Variants in CAST observed in about 807,000 individuals in gnomAD.
CAST encodes calpastatin, also known as MIR583 host.
A neutral mutation model predicts 119.6 loss-of-function variants in CAST; 76 were observed. The observed-to-expected ratio is 0.64, with a 90% CI of 0.53 to 0.77. The LOEUF (loss-of-function observed/expected upper bound fraction) is 0.77. Ranked by LOEUF, CAST falls within the 30% of genes least tolerant of loss-of-function variation. The pLI, the probability that CAST is intolerant of heterozygous loss-of-function variation, is 0.00. For missense variants in CAST, 953 were observed against 946.5 expected, an observed-to-expected ratio of 1.01 and a Z score of -0.09; for synonymous variants, 319 against 331.6, an observed-to-expected ratio of 0.96 and a Z score of 0.41.
intron 3 of CAST, among the ~76,000 whole-genome samples, chr5:96,703,514 T>C (rs1754306460): frequency 6.6e-6 from 1 of 152,224 alleles, no homozygotes; most frequent in African/African-American, 2.4e-5. Context: ...TTTGTGTCTA[T>C]CTTTTAAGAA....
chr5:96,221,466 T>C, the CAST span, among the ~76,000 whole-genome samples: 28 of 151,902 alleles, frequency 1.8e-4, no homozygotes, highest in Non-Finnish European at 2.4e-4. Flanking sequence ...ACACCAATAA[T>C]GAAATAGCTG....
the CAST span, among the ~76,000 whole-genome samples, chr5:96,000,275 T>G: frequency 2.7e-4 from 41 of 152,194 alleles, no homozygotes; most frequent in Non-Finnish European, 5.1e-4. Flanking sequence ...TTTATCAATT[T>G]TTTTATTTTA....
chr5:96,410,684 A>G, the CAST span: 7 of 1,032,612 alleles, frequency 6.8e-6, no homozygotes, highest in East Asian at 1.2e-4. Flanking sequence ...TAAGCGAATC[A>G]GTCGTACCAA....
chr5:96,436,403 G>A, the CAST span, among the ~76,000 whole-genome samples: 1 of 152,090 alleles, frequency 6.6e-6, no homozygotes, highest in Non-Finnish European at 1.5e-5. Context: ...ACATTAAATT[G>A]CATATTAATA....
the CAST span, among the ~76,000 whole-genome samples, chr5:96,321,019 T>C: frequency 7.1e-3 from 1,085 of 152,264 alleles, 11 homozygotes; most frequent in African/African-American, 0.025. Context: ...AAATGGAGGA[T>C]TGCAGCAGCA....
chr5:96,699,975 C>G (rs1471773806), intron 3 of CAST, among the ~76,000 whole-genome samples: 1 of 152,204 alleles, frequency 6.6e-6, no homozygotes, highest in Non-Finnish European at 1.5e-5. Flanking sequence ...GGAATAAGCA[C>G]CTATCAGAGA....
At chr5:96,024,370 G>A in the CAST span, among the ~76,000 whole-genome samples, 112 of 152,194 alleles carry the variant, frequency 7.4e-4, no homozygotes, top group African/African-American at 2.3e-3. Flanking sequence ...TGAAAATCAC[G>A]GAACAATTTT....
intron 2 of CAST, among the ~76,000 whole-genome samples, chr5:96,684,817 A>G (rs1751876505): frequency 6.6e-6 from 1 of 152,044 alleles, no homozygotes; most frequent in South Asian, 2.1e-4. Context: ...TGATCTGCCC[A>G]CCTTGGACTC....
intron 2 of CAST, among the ~76,000 whole-genome samples, chr5:96,693,327 A>C (rs549081753): frequency 2.0e-4 from 31 of 152,330 alleles, no homozygotes; most frequent in African/African-American, 7.5e-4. Context: ...AAGTTTAAAC[A>C]GTCATTATTT....
chr5:96,295,732 A>G, the CAST span, among the ~76,000 whole-genome samples: 1 of 152,246 alleles, frequency 6.6e-6, no homozygotes, highest in African/African-American at 2.4e-5. Flanking sequence ...ATAAGTGTCA[A>G]TGAAACCGGA....
At chr5:95,989,453 G>A in the CAST span, among the ~76,000 whole-genome samples, 20 of 152,128 alleles carry the variant, frequency 1.3e-4, no homozygotes, top group African/African-American at 2.7e-4. Flanking sequence ...AAAGGAAGCC[G>A]TATTGGTTCA....
At chr5:96,460,624 G>T in the CAST span, among the ~76,000 whole-genome samples, 5 of 151,602 alleles carry the variant, frequency 3.3e-5, no homozygotes, top group Non-Finnish European at 7.4e-5. Flanking sequence ...AGTGACATTC[G>T]ATAGCTCTGT....
chr5:96,768,506 T>A (rs1316210473), intron 29 of CAST: 1 of 405,924 alleles, frequency 2.5e-6, no homozygotes, highest in Non-Finnish European at 4.8e-6. Context: ...GATTTCCTTT[T>A]TTTTCTATAT....
chr5:96,172,848 T>C, the CAST span, among the ~76,000 whole-genome samples: 2 of 152,234 alleles, frequency 1.3e-5, no homozygotes, highest in Non-Finnish European at 1.5e-5. Context: ...CTGATTGCTC[T>C]AGCAAAAGCC....
At chr5:96,266,567 G>A in the CAST span, among the ~76,000 whole-genome samples, 2 of 152,130 alleles carry the variant, frequency 1.3e-5, no homozygotes, top group East Asian at 3.9e-4. Flanking sequence ...CTGGCACTCT[G>A]TTTACTAGAA....
the CAST span, among the ~76,000 whole-genome samples, chr5:96,245,543 A>G: frequency 6.6e-6 from 1 of 152,038 alleles, no homozygotes; most frequent in East Asian, 1.9e-4. Context: ...TGCCCCACTG[A>G]CAACAGAGTT....
At chr5:96,738,496 C>T (rs149017879) in intron 11 of CAST, among the ~76,000 whole-genome samples, 21 of 152,270 alleles carry the variant, frequency 1.4e-4, no homozygotes, top group African/African-American at 4.3e-4. Flanking sequence ...CACTGGGACA[C>T]GGTCCACTGG....
the CAST span, among the ~76,000 whole-genome samples, chr5:96,241,758 A>G: frequency 6.7e-6 from 1 of 149,992 alleles, no homozygotes; most frequent in African/African-American, 2.4e-5. Context: ...TTGCCATTCT[A>G]ACTGGTGTGA....
the CAST span, among the ~76,000 whole-genome samples, chr5:96,182,046 A>G: frequency 6.6e-6 from 1 of 152,214 alleles, no homozygotes; most frequent in South Asian, 2.1e-4. Context: ...CAAATAAAAT[A>G]CTCATGATTT....
Sources: gnomAD v4.1 joint callset for allele counts (sites outside exome capture counted in the v4.1 genomes callset) on GRCh38, gnomAD v4.1.1 for gene constraint, MANE v1.5 for transcripts, NCBI Gene and HGNC (gene_info 2026-07-23, HGNC 2026-07-21) for gene names.